OSBPL1A: variants seen among roughly 807,000 people sequenced by gnomAD.
OSBPL1A encodes the protein oxysterol binding protein like 1A.
In OSBPL1A, 80 loss-of-function variants were observed where a neutral mutation model predicts 137.1. The observed-to-expected ratio is 0.58, with a 90% CI of 0.49 to 0.70. OSBPL1A has a LOEUF of 0.70. OSBPL1A is among the 30% of genes least tolerant of loss of function. The probability of loss-of-function intolerance (pLI) is 0.00; values close to 1 mark genes in which losing one functional copy is unlikely to be tolerated. For missense variants in OSBPL1A, 970 were observed against 1,129.4 expected (o/e 0.86, Z 2.02); for synonymous variants, 365 against 389.7 (o/e 0.94, Z 0.75).
rs995105909 is a variant in OSBPL1A at position 24,212,826 on chromosome 18, C to T, written c.1601+12216G>A. On this transcript the variant is annotated intron_variant, in intron 17 of 27. Transcript: ENST00000319481. ...GGCAAGTTTAATATACAGAAATCAA[C>T]ACAAAGTGTCTAAAATTTACCGATA... Among the ~76,000 whole-genome samples, 9 of 152,182 alleles carry T rather than the reference C, an allele frequency of 5.9e-5. No homozygotes were observed. The East Asian group carries it at 1.5e-3, about 26-fold the overall frequency.
chr18:24,251,315 G>A (rs1350491392), intron 15 of OSBPL1A, among the ~76,000 whole-genome samples: 1 of 152,198 alleles, frequency 6.6e-6, no homozygotes, highest in Non-Finnish European at 1.5e-5. Flanking sequence ...CCATTGTGGT[G>A]CTGGCTTCAG....
chr18:24,220,029 C>T (rs901768376), intron 17 of OSBPL1A, among the ~76,000 whole-genome samples: 6 of 152,208 alleles, frequency 3.9e-5, no homozygotes, highest in African/African-American at 1.4e-4. Context: ...TCTCCAAATG[C>T]ACTTTTGTGG....
At chr18:24,256,845 T>A (rs1018412716) in intron 15 of OSBPL1A, among the ~76,000 whole-genome samples, 2 of 150,812 alleles carry the variant, frequency 1.3e-5, no homozygotes, top group African/African-American at 4.9e-5. Context: ...ACTTAAAAAG[T>A]AATCCCATTT....
intron 11 of OSBPL1A, among the ~76,000 whole-genome samples, chr18:24,314,584 C>T (rs1037573828): frequency 1.3e-5 from 2 of 152,120 alleles, no homozygotes; most frequent in Non-Finnish European, 2.9e-5. Context: ...TACTATGGTT[C>T]ATCAGGTTTG....
At chr18:24,380,012 A>T (rs1008037811) in intron 1 of OSBPL1A, among the ~76,000 whole-genome samples, 2 of 152,224 alleles carry the variant, frequency 1.3e-5, no homozygotes, top group African/African-American at 2.4e-5. Flanking sequence ...GTAACAAAAG[A>T]TATCAGGTAA....
chr18:24,271,483 C>T lies in OSBPL1A; in HGVS notation c.1281+9359G>A, dbSNP rs1347657066. On this transcript the variant is annotated intron_variant, in intron 15 of 27. Transcript: ENST00000319481. The surrounding 1 kb of genome is among the most constrained non-coding windows in gnomAD (Gnocchi z 4.0). ...GCGCCCGCGGCTGCACCCCACTCTGCACACACACGTCCAACTATTCTTGGA... is the reference window on the plus strand; with the variant it reads ...GCGCCCGCGGCTGCACCCCACTCTGTACACACACGTCCAACTATTCTTGGA... 2 of 903,318 alleles carry T rather than the reference C, an allele frequency of 2.2e-6. No individual in the cohort carries two copies. Among genetic ancestry groups the T allele is most frequent in the Non-Finnish European group, 2.6e-6 (2 of 755,002 alleles). The allele number at this position is 903,318 out of a possible 1,614,324, so 56.0% of individuals were successfully genotyped here.
intron 21 of OSBPL1A, among the ~76,000 whole-genome samples, chr18:24,176,274 T>C (rs1004396237): frequency 1.3e-5 from 2 of 152,222 alleles, no homozygotes; most frequent in Non-Finnish European, 2.9e-5. Context: ...ATCTTAACTA[T>C]AATTGAGGCT....
intron 22 of OSBPL1A, among the ~76,000 whole-genome samples, chr18:24,172,090 G>A (rs1417464370): frequency 6.6e-6 from 1 of 151,880 alleles, no homozygotes; most frequent in Admixed American, 6.6e-5. Context: ...ACAGGCACCC[G>A]CCACCGTGCC....
intron 14 of OSBPL1A, among the ~76,000 whole-genome samples, chr18:24,297,014 T>A (rs758943775): frequency 1.3e-5 from 2 of 152,210 alleles, no homozygotes. Context: ...ACTGGCTTCA[T>A]AAAATGATTT....
At chr18:24,389,273 T>C (rs1907160764) in intron 1 of OSBPL1A, among the ~76,000 whole-genome samples, 1 of 152,206 alleles carries the variant, frequency 6.6e-6, no homozygotes, top group Admixed American at 6.5e-5. Context: ...AGGAAATAAT[T>C]AGATGGAAAA....
chr18:24,367,020 T>C (rs2091713097), intron 3 of OSBPL1A, 54 bp from the exon 4 acceptor site: 1 of 1,459,474 alleles, frequency 6.9e-7, no homozygotes, highest in African/African-American at 1.4e-5. Flanking sequence ...TGAAAATCAT[T>C]CCTTCAAAAT....
At chr18:24,287,579 C>A (rs2090088557) in intron 14 of OSBPL1A, among the ~76,000 whole-genome samples, 1 of 152,136 alleles carries the variant, frequency 6.6e-6, no homozygotes, top group South Asian at 2.1e-4. Context: ...TCCAGACCAA[C>A]CTGGCCAACA....
chr18:24,248,326 G>C (rs749964737), intron 15 of OSBPL1A, among the ~76,000 whole-genome samples: 2 of 152,132 alleles, frequency 1.3e-5, no homozygotes, highest in African/African-American at 2.4e-5. Flanking sequence ...GAAATGAAAC[G>C]AGTCTCAAGG....
chr18:24,208,648 A>G (rs1212124188), intron 17 of OSBPL1A, among the ~76,000 whole-genome samples: 1 of 152,242 alleles, frequency 6.6e-6, no homozygotes, highest in Admixed American at 6.5e-5. Context: ...TATTACCATT[A>G]GATTCCAAGC....
At chr18:24,291,496 G>T (rs897790722) in intron 14 of OSBPL1A, among the ~76,000 whole-genome samples, 1 of 151,892 alleles carries the variant, frequency 6.6e-6, no homozygotes, top group Non-Finnish European at 1.5e-5. Flanking sequence ...TAAGAAATGA[G>T]GTAGGAGGAT....
chr18:24,315,660 AATATAAT>A lies in OSBPL1A; in HGVS notation c.871-1320_871-1314del, dbSNP rs1350587567. On this transcript the variant is annotated intron_variant, in intron 11 of 27. Coordinates refer to ENST00000319481, the MANE Select transcript of OSBPL1A (RefSeq NM_080597.4). Reference sequence around the variant, plus strand: ...ATTATATAGTAAAATATAAAATTATAATATAATATATAATATATAATAAAGTATATTA... The same window carrying A: ...ATTATATAGTAAAATATAAAATTATAATATAATATATAATAAAGTATATTA... 7.9e-5 allele frequency among the ~76,000 whole-genome samples: 9 copies of A among 114,638 alleles called. No individual in the cohort carries two copies. In the South Asian group the frequency reaches 9.1e-4, roughly 12 times the overall value. The allele number at this position is 114,638 out of a possible 152,430, so 75.2% of individuals were successfully genotyped here. A position where few individuals can be genotyped will look rare whatever the true frequency, so the allele number is the denominator to read the frequency against.
chr18:24,194,760 T>C (rs770016808), intron 18 of OSBPL1A, among the ~76,000 whole-genome samples: 10 of 152,148 alleles, frequency 6.6e-5, no homozygotes, highest in Non-Finnish European at 8.8e-5. Flanking sequence ...ATTATGATGC[T>C]AGTTCTACAC....
intron 15 of OSBPL1A, among the ~76,000 whole-genome samples, chr18:24,243,127 T>C (rs2088763141): frequency 6.6e-6 from 1 of 152,134 alleles, no homozygotes; most frequent in African/African-American, 2.4e-5. Context: ...TGCAGAAGGC[T>C]GAGGCAGAAG....
chr18:24,294,217 G>GTT (rs201044429), intron 14 of OSBPL1A, among the ~76,000 whole-genome samples: 6 of 143,396 alleles, frequency 4.2e-5, no homozygotes, highest in African/African-American at 7.8e-5. Flanking sequence ...CCAATATGTG[G>GTT]TTGTTTTTTT....
Sources: gnomAD v4.1 joint callset for allele counts (sites outside exome capture counted in the v4.1 genomes callset) on GRCh38, gnomAD v4.1.1 for gene constraint, Gnocchi (gnomAD v3.1) non-coding constraint, MANE v1.5 for transcripts, NCBI Gene and HGNC (gene_info 2026-07-23, HGNC 2026-07-21) for gene names.